Variants in ARFGEF3 observed in about 807,000 individuals in gnomAD.
ARFGEF3 encodes brefeldin A-inhibited guanine nucleotide-exchange protein 3.
In ARFGEF3, 96 loss-of-function variants were observed where a neutral mutation model predicts 221.7. That is an observed-to-expected ratio of 0.43 (90% CI 0.37 to 0.51). The LOEUF (loss-of-function observed/expected upper bound fraction) is 0.51. Among genes scored for constraint, ARFGEF3 ranks in the 20% least tolerant of loss-of-function variants. The pLI is 0.00. For missense variants in ARFGEF3, 2,410 were observed against 2,789.9 expected (o/e 0.86, Z 3.07); for synonymous variants, 1,145 against 1,126.8 (o/e 1.02, Z -0.32).
intron 18 of ARFGEF3, among the ~76,000 whole-genome samples, chr6:138,290,174 C>G (rs1271630027): frequency 2.0e-5 from 3 of 152,134 alleles, no homozygotes; most frequent in African/African-American, 7.2e-5. Context: ...TTTTGAAGAA[C>G]AGGGGACAGA....
At chr6:138,225,402 T>C (rs1315314765) in intron 4 of ARFGEF3, among the ~76,000 whole-genome samples, 1 of 152,236 alleles carries the variant, frequency 6.6e-6, no homozygotes, top group Non-Finnish European at 1.5e-5. Context: ...CTCTCCAGTG[T>C]TGGCGCTTTG....
rs1780383354 is a variant in ARFGEF3 at position 138,339,167 on chromosome 6, C to T, written c.*2681C>T. On this transcript the variant is annotated 3_prime_UTR_variant, in exon 34 of 34. Transcript: ENST00000251691. ...CAGTACTTCTCAGAGGTATTTGCAG[C>T]TTGATGCAAAGTAGTCTCTAATGAG... The T allele has an allele frequency of 6.6e-6, 1 of 152,232 alleles. No homozygotes were observed. Among genetic ancestry groups the T allele is most frequent in the South Asian group, 2.1e-4 (1 of 4,834 alleles). 9.4% of individuals were successfully genotyped at this position (152,232 alleles called of 1,614,324 possible). A position where few individuals can be genotyped will look rare whatever the true frequency, so the allele number is the denominator to read the frequency against.
chr6:138,320,341 C>T (rs975653254), intron 28 of ARFGEF3, among the ~76,000 whole-genome samples: 2 of 152,052 alleles, frequency 1.3e-5, no homozygotes, highest in African/African-American at 4.8e-5. Context: ...GCTTAACAGG[C>T]TAGGGATGAA....
At chr6:138,278,666 C>G in intron 13 of ARFGEF3, 49 bp downstream of exon 13, 1 of 1,592,838 alleles carries the variant, frequency 6.3e-7, no homozygotes, top group Non-Finnish European at 8.6e-7. Flanking sequence ...GCTGTAACTT[C>G]CTGGTGTACA....
chr6:138,242,307 C>A (rs554917080), intron 6 of ARFGEF3, among the ~76,000 whole-genome samples: 6 of 152,306 alleles, frequency 3.9e-5, no homozygotes, highest in African/African-American at 1.4e-4. Context: ...GGAAGTAAGT[C>A]TGATTATTTG....
chr6:138,326,917 A>ATGCG (rs1780136773), intron 31 of ARFGEF3, among the ~76,000 whole-genome samples: 1 of 152,252 alleles, frequency 6.6e-6, no homozygotes, highest in African/African-American at 2.4e-5. Flanking sequence ...AATACTATGC[A>ATGCG]GTCATAAAAA....
chr6:138,330,051 C>T (rs1017784987), intron 32 of ARFGEF3, among the ~76,000 whole-genome samples: 1 of 151,994 alleles, frequency 6.6e-6, no homozygotes, highest in Admixed American at 6.5e-5. Context: ...CCAGGATGAG[C>T]CAGGAGAAGG....
intron 11 of ARFGEF3, 96 bp from the exon 12 acceptor site, chr6:138,262,605 A>T: frequency 8.2e-7 from 1 of 1,222,872 alleles, no homozygotes; most frequent in Non-Finnish European, 1.2e-6. Flanking sequence ...TGTTTTGAAT[A>T]CTTTGCTGTT....
At chr6:138,305,077 A>C (rs1779695602) in intron 22 of ARFGEF3, among the ~76,000 whole-genome samples, 2 of 152,006 alleles carry the variant, frequency 1.3e-5, no homozygotes, top group African/African-American at 4.8e-5. Context: ...ATAAATTAAA[A>C]AAAAAAAAAA....
In ARFGEF3 at chr6:138,210,052, C is replaced by T. The variant is rs1777696143; in HGVS notation, c.351+11C>T. On this transcript the variant is annotated intron_variant, in intron 4 of 33. Coordinates refer to ENST00000251691, the MANE Select transcript of ARFGEF3 (RefSeq NM_020340.5). The stretch of plus-strand genomic sequence containing the variant: ...GTGGAAGTGATGAAGGTTGGTTTGA[C>T]GTGGCCAAGAGTGTGCGTCACTGGG... 7 of 1,612,698 alleles carry T rather than the reference C, an allele frequency of 4.3e-6. No individual in the cohort carries two copies. Among genetic ancestry groups the T allele is most frequent in the East Asian group, 2.2e-5 (1 of 44,854 alleles).
At chr6:138,263,953 C>G (rs1411225208) in intron 12 of ARFGEF3, among the ~76,000 whole-genome samples, 1 of 152,182 alleles carries the variant, frequency 6.6e-6, no homozygotes, top group African/African-American at 2.4e-5. Flanking sequence ...GCTTCTATGT[C>G]TTGGTGTCTA....
At position 138,263,108 on chromosome 6, in the gene ARFGEF3, C is replaced by T. The variant is rs1562371990; in HGVS notation, c.1625C>T (p.Pro542Leu). The change falls in exon 12 of 34, where the codon CCA becomes CTA. Residue 542 changes from proline (P) to leucine (L), a missense_variant. By Grantham distance (98) the Pro-to-Leu change is moderately conservative. Around this residue, in one of 5 missense-constraint regions of ARFGEF3, gnomAD observed 594 missense variants for 734.3 expected, o/e 0.81. Transcript: ENST00000251691. ...AACAGTCTCAAGTCGCCAGCCATCC[C>T]AGAGGGTAAGGAGACGCTGAGCAAA... ...HKNSLKSPAI[P>L]EGKETLSKVL... is the part of the protein sequence containing the mutation. 2.5e-6 allele frequency: 4 copies of T among 1,613,828 alleles called. No homozygotes were observed. The highest frequency in any genetic ancestry group is 3.4e-6 in the Non-Finnish European group (4 of 1,179,876).
chr6:138,206,838 A>G (rs1777632214), intron 2 of ARFGEF3, among the ~76,000 whole-genome samples: 2 of 152,228 alleles, frequency 1.3e-5, no homozygotes, highest in South Asian at 4.1e-4. Flanking sequence ...TAGCCATACC[A>G]AGAAGGCAAG....
In ARFGEF3 at chr6:138,286,846, G is replaced by A; in HGVS notation, c.2715G>A (p.Gln905=). The part of the protein sequence containing the change: ...LGAEGIKEQN[Q]KERDAICMSL... ...CTGAAGGCATCAAAGAGCAGAACCA[G>A]AAGGAGCGGGACGCCATCTGCATGA... is the stretch of plus-strand genomic sequence containing the variant. Residue 905 remains glutamine (Q), a synonymous_variant, in exon 16 of 34, where the codon CAG becomes CAA. Transcript: ENST00000251691. 6.2e-7 allele frequency: 1 copy of A among 1,614,008 alleles called. No homozygotes were observed. The highest frequency in any genetic ancestry group is 8.5e-7 in the Non-Finnish European group (1 of 1,179,910).
At chr6:138,326,188 T>G (rs116536260) in intron 31 of ARFGEF3, among the ~76,000 whole-genome samples, 1,895 of 152,254 alleles carry the variant, frequency 0.012, 35 homozygotes, top group African/African-American at 0.044. Context: ...TCTCTATTTC[T>G]TCCTCAATCC....
intron 24 of ARFGEF3, among the ~76,000 whole-genome samples, chr6:138,309,556 T>C (rs1476761202): frequency 6.6e-6 from 1 of 152,196 alleles, no homozygotes; most frequent in Non-Finnish European, 1.5e-5. Context: ...TAAGGGCAAT[T>C]ATTTAATATA....
At chr6:138,210,389 T>C (rs1373030758) in intron 4 of ARFGEF3, among the ~76,000 whole-genome samples, 4 of 152,080 alleles carry the variant, frequency 2.6e-5, no homozygotes, top group Non-Finnish European at 4.4e-5. Context: ...AACAAAGCAA[T>C]AATAATAATG....
rs1014225981 is a variant in ARFGEF3, at chr6:138,162,026, C to G, written c.-61C>G. ...CAGGGCCAGGCAGCGGCGGCTTCCC[C>G]GGCCCGGCTCGCCCGCGCTTCTCTC... On this transcript the variant is annotated 5_prime_UTR_variant, in exon 1 of 34. Coordinates refer to ENST00000251691, the MANE Select transcript of ARFGEF3 (RefSeq NM_020340.5). The surrounding 1 kb of genome is among the most constrained non-coding windows in gnomAD (Gnocchi z 4.7). 1.5e-6 allele frequency: 2 copies of G among 1,313,532 alleles called. No homozygotes were observed. Among genetic ancestry groups the G allele is most frequent in the South Asian group, 1.4e-5 (1 of 73,356 alleles). The allele number at this position is 1,313,532 out of a possible 1,614,324, so 81.4% of individuals were successfully genotyped here. A position where few individuals can be genotyped will look rare whatever the true frequency, so the allele number is the denominator to read the frequency against.
chr6:138,258,379 C>T (rs1331358441), intron 10 of ARFGEF3, among the ~76,000 whole-genome samples: 1 of 152,186 alleles, frequency 6.6e-6, no homozygotes, highest in African/African-American at 2.4e-5. Context: ...ATATTATGCC[C>T]ATTTTCCAGA....
Sources: allele counts gnomAD v4.1 joint callset (sites outside exome capture counted in the v4.1 genomes callset), GRCh38; gene constraint gnomAD v4.1.1; regional missense constraint gnomAD v4.1.1; non-coding constraint Gnocchi (gnomAD v3.1); transcripts MANE v1.5; gene names NCBI Gene and HGNC (gene_info 2026-07-23, HGNC 2026-07-21).